PRPF6: variants seen among roughly 807,000 people sequenced by gnomAD.
The protein encoded by PRPF6 is pre-mRNA processing factor 6, also known as pre-mRNA-processing factor 6.
Under a neutral mutation model 118.3 loss-of-function variants are expected in PRPF6, and 42 were observed. The ratio of observed to expected loss-of-function variants is 0.35; its 90% CI spans 0.28 to 0.46. PRPF6 has a LOEUF of 0.46. Ranked by LOEUF, PRPF6 falls within the 20% of genes least tolerant of loss-of-function variation. The pLI, the probability that PRPF6 is intolerant of heterozygous loss-of-function variation, is 1.00. For synonymous variants in PRPF6, 481 were observed against 485.1 expected (o/e 0.99, Z 0.11); for missense variants, 662 against 1,255.7 (o/e 0.53, Z 7.15).
intron 11 of PRPF6, among the ~76,000 whole-genome samples, chr20:64,013,130 A>G (rs1477853668): frequency 6.6e-6 from 1 of 152,016 alleles, no homozygotes; most frequent in Non-Finnish European, 1.5e-5. Context: ...ATACCCAGCT[A>G]ATTTTTGTAT....
At position 64,025,989 on chromosome 20, in the gene PRPF6, C is replaced by G. The variant is rs757720133; in HGVS notation, c.1959C>G (p.Ser653=). ...GGCTGGCAGCCGTGAAGCTGGAGTCCGAGAATGATGAGTACGAGCGGGCCC... is the reference window on the plus strand; with the variant it reads ...GGCTGGCAGCCGTGAAGCTGGAGTCGGAGAATGATGAGTACGAGCGGGCCC... The part of the protein sequence containing the change: ...EIWLAAVKLE[S]ENDEYERARR... Residue 653 remains serine, a synonymous_variant, in exon 15 of 21, where the codon TCC becomes TCG. Transcript: ENST00000266079. 2 of 1,613,152 alleles carry G rather than the reference C, an allele frequency of 1.2e-6. No homozygotes were observed. The highest frequency in any genetic ancestry group is 1.7e-6 in the Non-Finnish European group (2 of 1,180,040).
At chr20:63,995,677 C>T (rs962548760) in intron 6 of PRPF6, among the ~76,000 whole-genome samples, 195 bp downstream of exon 6, 1 of 149,984 alleles carries the variant, frequency 6.7e-6, no homozygotes, top group Non-Finnish European at 1.5e-5. Flanking sequence ...AATTTTGACC[C>T]AGAGTCTTGC....
intron 12 of PRPF6, among the ~76,000 whole-genome samples, chr20:64,017,945 G>A (rs1052490920): frequency 2.0e-5 from 3 of 152,232 alleles, no homozygotes; most frequent in Non-Finnish European, 4.4e-5. Context: ...GCTGACGCCT[G>A]TAATTCCAGC....
chr20:63,982,635 G>A (rs990269886), intron 1 of PRPF6, among the ~76,000 whole-genome samples: 2 of 152,176 alleles, frequency 1.3e-5, no homozygotes, highest in African/African-American at 4.8e-5. Context: ...AGTACTTGGG[G>A]ACAGACAGGA....
At chr20:63,992,362 A>G (rs1203059561) in intron 3 of PRPF6, among the ~76,000 whole-genome samples, 1 of 152,104 alleles carries the variant, frequency 6.6e-6, no homozygotes, top group Non-Finnish European at 1.5e-5. Context: ...CCCAGGTTCA[A>G]GCAATTCTCC....
chr20:64,031,697 A>AAAC (rs2059315180), intron 19 of PRPF6, among the ~76,000 whole-genome samples: 1 of 151,310 alleles, frequency 6.6e-6, no homozygotes, highest in African/African-American at 2.4e-5. Context: ...AAAAACAACA[A>AAAC]AAAAAAACCA....
chr20:64,024,726 T>C, intron 14 of PRPF6, 33 bp downstream of exon 14: 1 of 1,606,104 alleles, frequency 6.2e-7, no homozygotes. Context: ...GTGAGGGGCC[T>C]GTGCACACAG....
chr20:63,997,926 GGACCGCATTCGCTCATCTATGTA>G (rs962661274), intron 6 of PRPF6, among the ~76,000 whole-genome samples: 20 of 151,950 alleles, frequency 1.3e-4, no homozygotes, highest in Non-Finnish European at 1.8e-4. Flanking sequence ...TGGTGTGTGT[GGACCGCATTCGCTCATCTATGTA>G]GACCGCATTC....
chr20:63,997,922 G>T (rs1448640733), intron 6 of PRPF6, among the ~76,000 whole-genome samples: 1 of 152,032 alleles, frequency 6.6e-6, no homozygotes, highest in Non-Finnish European at 1.5e-5. Flanking sequence ...TCTTTGGTGT[G>T]TGTGGACCGC....
intron 19 of PRPF6, 63 bp from the exon 20 acceptor site, chr20:64,031,855 C>T: frequency 1.2e-6 from 2 of 1,612,504 alleles, no homozygotes; most frequent in South Asian, 2.2e-5. Context: ...GAAGCCGTTC[C>T]CCTGCCCCAG....
intron 5 of PRPF6, 105 bp from the exon 6 acceptor site, chr20:63,995,222 C>T: frequency 6.4e-7 from 1 of 1,572,228 alleles, no homozygotes; most frequent in Non-Finnish European, 8.7e-7. Flanking sequence ...GTCTGCACAG[C>T]TGTGCATATG....
rs1329688032 is a variant in PRPF6, at chr20:64,003,916, T to C, written c.1186+2677T>C. On this transcript the variant is annotated intron_variant, in intron 9 of 20. Transcript: ENST00000266079. ...CCCGGCCAGAGACAGCGTCTTATAA[T>C]GAGGTGGCCAGGAACAGAAAGTTAG... Among the ~76,000 whole-genome samples, 7 of 152,212 alleles carry C rather than the reference T, an allele frequency of 4.6e-5. No homozygotes were observed. In the East Asian group the frequency reaches 1.3e-3, roughly 29 times the overall value.
chr20:63,991,722 G>A (rs959683484), intron 3 of PRPF6, among the ~76,000 whole-genome samples: 14 of 151,984 alleles, frequency 9.2e-5, no homozygotes, highest in African/African-American at 1.2e-4. Context: ...CCCAGGAGGC[G>A]GAGGTTGCAG....
chr20:63,981,141 A>T lies in PRPF6; in HGVS notation c.-105A>T. ...GCGCGGGTGACGCGACGACGGCGAC[A>T]CTTTGCTACGGAGTGCATCGGACGT... On this transcript the variant is annotated 5_prime_UTR_variant, in exon 1 of 21. Transcript: ENST00000266079. 8.0e-7 allele frequency: 1 copy of T among 1,243,862 alleles called. No homozygotes were observed. The highest frequency in any genetic ancestry group is 1.2e-6 in the Non-Finnish European group (1 of 868,546). 77.1% of individuals were successfully genotyped at this position (1,243,862 alleles called of 1,614,324 possible).
intron 12 of PRPF6, among the ~76,000 whole-genome samples, chr20:64,018,448 C>T (rs186134390): frequency 3.0e-4 from 46 of 152,132 alleles, no homozygotes; most frequent in African/African-American, 1.1e-3. Flanking sequence ...GAGGTGTGCA[C>T]CTGTTCAACT....
intron 9 of PRPF6, among the ~76,000 whole-genome samples, chr20:64,005,855 T>C (rs6090033): frequency 0.79 from 120,449 of 152,004 alleles, 48,061 homozygotes; most frequent in East Asian, 0.96. Flanking sequence ...CAGTCTCAGC[T>C]TCCTGAATAG....
chr20:63,995,173 A>G, intron 5 of PRPF6, 81 bp downstream of exon 5: 1 of 1,602,728 alleles, frequency 6.2e-7, no homozygotes, highest in South Asian at 1.1e-5. Context: ...TGTTGGATTC[A>G]ATGCTTCTGC....
At chr20:64,021,605 C>T (rs1245481697) in intron 12 of PRPF6, among the ~76,000 whole-genome samples, 1 of 137,266 alleles carries the variant, frequency 7.3e-6, no homozygotes, top group African/African-American at 2.8e-5. Context: ...AGCCACAGCC[C>T]CATGTCTGTG....
chr20:64,015,472 C>G (rs2123062461), intron 11 of PRPF6, among the ~76,000 whole-genome samples: 1 of 152,310 alleles, frequency 6.6e-6, no homozygotes, highest in South Asian at 2.1e-4. Context: ...GCATGTGGCT[C>G]CGGTTGCACT....
Sources: gnomAD v4.1 joint callset for allele counts (sites outside exome capture counted in the v4.1 genomes callset) on GRCh38, gnomAD v4.1.1 for gene constraint, MANE v1.5 for transcripts, NCBI Gene and HGNC (gene_info 2026-07-23, HGNC 2026-07-21) for gene names.